Variants in ARHGEF38 observed in about 807,000 individuals in gnomAD.
ARHGEF38 encodes Rho guanine nucleotide exchange factor 38, also known as Rho guanine nucleotide exchange factor (GEF) 38.
A neutral mutation model predicts 79.9 loss-of-function variants in ARHGEF38; 79 were observed. That is an observed-to-expected ratio of 0.99 (90% CI 0.82 to 1.19). The LOEUF (loss-of-function observed/expected upper bound fraction) is 1.19, where lower values mean the gene tolerates loss of function less well. Among genes scored for constraint, ARHGEF38 ranks in the 50% most tolerant of loss-of-function variants. The pLI is 0.00. For synonymous variants in ARHGEF38, 366 were observed against 328.3 expected, an observed-to-expected ratio of 1.11 and a Z score of -1.24; for missense variants, 962 against 907.2, an observed-to-expected ratio of 1.06 and a Z score of -0.78.
intron 1 of ARHGEF38, among the ~76,000 whole-genome samples, chr4:105,584,619 ATCTC>A: frequency 6.6e-6 from 1 of 152,114 alleles, no homozygotes; most frequent in Non-Finnish European, 1.5e-5. Context: ...CTATATCTAC[ATCTC>A]TCTCTCTATC....
intron 1 of ARHGEF38, among the ~76,000 whole-genome samples, chr4:105,565,859 C>G (rs1371427288): frequency 6.6e-6 from 1 of 152,078 alleles, no homozygotes; most frequent in African/African-American, 2.4e-5. Context: ...TCTCCTTTAC[C>G]CTCTGCATTG....
At chr4:105,623,665 C>A (rs1271251317) in intron 3 of ARHGEF38, among the ~76,000 whole-genome samples, 1 of 152,128 alleles carries the variant, frequency 6.6e-6, no homozygotes, top group African/African-American at 2.4e-5. Flanking sequence ...TCAAAATATG[C>A]AGCTGTATTT....
chr4:105,662,334 A>G (rs915344096), intron 10 of ARHGEF38, among the ~76,000 whole-genome samples: 1 of 151,752 alleles, frequency 6.6e-6, no homozygotes, highest in African/African-American at 2.4e-5. Flanking sequence ...AATTGAGACT[A>G]CTTTTTCCAA....
intron 1 of ARHGEF38, among the ~76,000 whole-genome samples, chr4:105,564,274 C>A (rs183773222): frequency 1.3e-5 from 2 of 152,120 alleles, no homozygotes; most frequent in East Asian, 3.9e-4. Flanking sequence ...TAATATGATA[C>A]GTATATTAGA....
intron 10 of ARHGEF38, among the ~76,000 whole-genome samples, chr4:105,663,097 T>C (rs987165565): frequency 1.3e-5 from 2 of 152,188 alleles, no homozygotes; most frequent in Non-Finnish European, 2.9e-5. Context: ...GGAGATCCTG[T>C]ACAACCCTCA....
chr4:105,602,302 A>G (rs182481507), intron 2 of ARHGEF38, among the ~76,000 whole-genome samples: 10 of 152,284 alleles, frequency 6.6e-5, no homozygotes, highest in African/African-American at 2.2e-4. Context: ...GTCCAGGCAA[A>G]CTGTCAGACT....
chr4:105,677,342 T>G (rs1578371859), intron 13 of ARHGEF38, among the ~76,000 whole-genome samples: 1 of 152,208 alleles, frequency 6.6e-6, no homozygotes, highest in African/African-American at 2.4e-5. Flanking sequence ...AAACTTATAG[T>G]GTTATTCCTA....
intron 1 of ARHGEF38, among the ~76,000 whole-genome samples, chr4:105,578,945 G>T (rs1216587182): frequency 1.3e-5 from 2 of 151,952 alleles, no homozygotes; most frequent in African/African-American, 2.4e-5. Flanking sequence ...TCATGTCATT[G>T]TTACCTAGAT....
intron 3 of ARHGEF38, among the ~76,000 whole-genome samples, chr4:105,626,866 C>T (rs1728969574): frequency 6.6e-6 from 1 of 151,506 alleles, no homozygotes. Flanking sequence ...AACTTCCTCA[C>T]AGACATGGTC....
chr4:105,561,641 G>T (rs1001537612), intron 1 of ARHGEF38: 1 of 152,090 alleles, frequency 6.6e-6, no homozygotes, highest in African/African-American at 2.4e-5. Context: ...GACCTAAAGT[G>T]ATGTAGGTAA....
In ARHGEF38 at chr4:105,680,780, C is replaced by G. The variant is rs998247873; in HGVS notation, c.*2843C>G. The G allele has an allele frequency of 2.0e-5, 3 of 152,162 alleles. No homozygotes were observed. Among genetic ancestry groups the G allele is most frequent in the Admixed American group, 1.3e-4 (2 of 15,276 alleles). The allele number at this position is 152,162 out of a possible 1,614,324, so 9.4% of individuals were successfully genotyped here. On this transcript the variant is annotated 3_prime_UTR_variant, in exon 14 of 14. Transcript: ENST00000420470. ...GATAAATTACCTCCTAAACTAAAGTCCCCTCTGAGGTACAACAGAAATTAA... is the reference window on the plus strand; with the variant it reads ...GATAAATTACCTCCTAAACTAAAGTGCCCTCTGAGGTACAACAGAAATTAA...
chr4:105,614,963 A>C (rs1389456776), intron 3 of ARHGEF38, among the ~76,000 whole-genome samples: 1 of 152,200 alleles, frequency 6.6e-6, no homozygotes, highest in Admixed American at 6.5e-5. Context: ...GATAAAGAAA[A>C]CATTTCTAGA....
intron 2 of ARHGEF38, among the ~76,000 whole-genome samples, chr4:105,609,357 C>T (rs747654172): frequency 6.6e-6 from 1 of 151,992 alleles, no homozygotes; most frequent in Non-Finnish European, 1.5e-5. Context: ...GTGTATGTAT[C>T]TGTTATTATG....
chr4:105,579,886 T>A (rs981209951), intron 1 of ARHGEF38, among the ~76,000 whole-genome samples: 1 of 152,190 alleles, frequency 6.6e-6, no homozygotes, highest in African/African-American at 2.4e-5. Context: ...TGGTAGGCTA[T>A]TTACTACTTA....
intron 9 of ARHGEF38, among the ~76,000 whole-genome samples, chr4:105,655,990 A>G (rs1730306565): frequency 6.6e-6 from 1 of 152,202 alleles, no homozygotes; most frequent in Non-Finnish European, 1.5e-5. Context: ...TAAAATTAAT[A>G]TTTAGTTTAA....
chr4:105,643,872 C>CTTTTT (rs5860804), intron 5 of ARHGEF38, among the ~76,000 whole-genome samples: 18 of 98,080 alleles, frequency 1.8e-4, no homozygotes, highest in South Asian at 3.1e-4. Context: ...TGCCTTCCTA[C>CTTTTT]TTTTTTTTTT....
In ARHGEF38 at chr4:105,680,116, A is replaced by C. The variant is rs374299878; in HGVS notation, c.*2179A>C. 3 of 728,774 alleles carry C rather than the reference A, an allele frequency of 4.1e-6. No individual in the cohort carries two copies. The highest frequency in any genetic ancestry group is 3.5e-5 in the African/African-American group (2 of 57,614). The allele number at this position is 728,774 out of a possible 1,614,324, so 45.1% of individuals were successfully genotyped here. A position where few individuals can be genotyped will look rare whatever the true frequency, so the allele number is the denominator to read the frequency against. On this transcript the variant is annotated 3_prime_UTR_variant, in exon 14 of 14. Transcript: ENST00000420470. Reference sequence around the variant, plus strand: ...CATCTCATTTTCATCTGTGTTTTATAAAGGAGGAAATTGAGGACCTCACAT... The same window carrying C: ...CATCTCATTTTCATCTGTGTTTTATCAAGGAGGAAATTGAGGACCTCACAT...
chr4:105,653,674 G>A (rs561774942), intron 7 of ARHGEF38, among the ~76,000 whole-genome samples: 32 of 152,226 alleles, frequency 2.1e-4, no homozygotes, highest in African/African-American at 6.3e-4. Context: ...TGAATCATAC[G>A]AACAAAACAA....
At chr4:105,626,858 C>A (rs1285411742) in intron 3 of ARHGEF38, among the ~76,000 whole-genome samples, 1 of 151,520 alleles carries the variant, frequency 6.6e-6, no homozygotes, top group African/African-American at 2.4e-5. Flanking sequence ...CCTTCTGGAA[C>A]TTCCTCACAG....
Sources: allele counts gnomAD v4.1 joint callset (sites outside exome capture counted in the v4.1 genomes callset), GRCh38; gene constraint gnomAD v4.1.1; transcripts MANE v1.5; gene names NCBI Gene and HGNC (gene_info 2026-07-23, HGNC 2026-07-21).